Variants in SLC38A1 observed in about 807,000 individuals in gnomAD.
SLC38A1 encodes solute carrier family 38 member 1.
SLC38A1 carries 18 observed loss-of-function variants against 60.3 expected under a neutral mutation model. That is an observed-to-expected ratio of 0.30 (90% confidence interval 0.21 to 0.44). SLC38A1 has a LOEUF of 0.44. SLC38A1 is among the 20% of genes least tolerant of loss of function. The pLI, the probability that SLC38A1 is intolerant of heterozygous loss-of-function variation, is 1.00. For missense variants in SLC38A1, 448 were observed against 587.2 expected (o/e 0.76, Z 2.45); for synonymous variants, 196 against 212.1 (o/e 0.92, Z 0.66).
chr12:46,256,640 G>GAC (rs1565797410), intron 1 of SLC38A1, among the ~76,000 whole-genome samples: 4 of 140,730 alleles, frequency 2.8e-5, no homozygotes, highest in African/African-American at 1.2e-4. Flanking sequence ...CACACACAGA[G>GAC]AGAGAGAGAG....
intron 5 of SLC38A1, among the ~76,000 whole-genome samples, chr12:46,211,477 A>T (rs557676056): frequency 6.6e-6 from 1 of 152,356 alleles, no homozygotes; most frequent in South Asian, 2.1e-4. Flanking sequence ...AGCAAAAGAA[A>T]CATTCTAAGG....
chr12:46,194,269 C>G (rs1361819022), intron 16 of SLC38A1, among the ~76,000 whole-genome samples: 2 of 152,176 alleles, frequency 1.3e-5, no homozygotes, highest in East Asian at 3.8e-4. Context: ...GCCCCCACTC[C>G]CTTCTGGCTT....
intron 16 of SLC38A1, among the ~76,000 whole-genome samples, chr12:46,194,924 G>A (rs1365044739): frequency 6.6e-6 from 1 of 152,142 alleles, no homozygotes; most frequent in Non-Finnish European, 1.5e-5. Flanking sequence ...ACCTTCTGAA[G>A]CCTACTTCTG....
chr12:46,203,037 A>C lies in SLC38A1; in HGVS notation c.875T>G (p.Val292Gly). The C allele has an allele frequency of 6.2e-7, 1 of 1,614,044 alleles. No homozygotes were observed. The highest frequency in any genetic ancestry group is 8.5e-7 in the Non-Finnish European group (1 of 1,179,918). ...IAFAFVCHPS[V>G]LPIYSELKDR... ...TTTAAGCTCACTGTAAATTGGCAGG[A>C]CTGACGGGTGGCAAACAAATGCAAA... The change falls in exon 12 of 17, where the codon GTC (valine) becomes GGC (glycine). Residue 292 changes from valine (V) to glycine (G), a missense_variant. Physicochemically the swap from Val to Gly is moderately radical, Grantham distance 109. Transcript: ENST00000398637.
intron 5 of SLC38A1, among the ~76,000 whole-genome samples, chr12:46,223,936 G>A (rs1940763327): frequency 6.6e-6 from 1 of 152,212 alleles, no homozygotes; most frequent in Non-Finnish European, 1.5e-5. Flanking sequence ...ACTATGAGAT[G>A]TGTTCTAGAG....
At chr12:46,235,323 A>G (rs1430824605) in intron 3 of SLC38A1, among the ~76,000 whole-genome samples, 1 of 152,244 alleles carries the variant, frequency 6.6e-6, no homozygotes, top group Non-Finnish European at 1.5e-5. Context: ...TTCATAACAT[A>G]AAAGAGATGA....
At chr12:46,206,872 T>C (rs1939928473) in intron 8 of SLC38A1, among the ~76,000 whole-genome samples, 3 of 152,238 alleles carry the variant, frequency 2.0e-5, no homozygotes, top group Non-Finnish European at 4.4e-5. Context: ...ATATCTGTTC[T>C]ATTTCACAGA....
In SLC38A1 at chr12:46,207,579, G is replaced by T; in HGVS notation, c.431C>A (p.Thr144Asn). 1 of 1,613,918 alleles carries T rather than the reference G, an allele frequency of 6.2e-7. No individual in the cohort carries two copies. Among genetic ancestry groups the T allele is most frequent in the South Asian group, 1.1e-5 (1 of 91,076 alleles). Residue 144 changes from threonine (T) to asparagine (N), a missense_variant, in exon 7 of 17, where the codon ACC becomes AAC. Around this residue, in one of 2 missense-constraint regions of SLC38A1, gnomAD observed 346 missense variants for 497.5 expected, o/e 0.70. Coordinates refer to ENST00000398637, the MANE Select transcript of SLC38A1 (RefSeq NM_030674.4). ...TCCAAAGATTACGAACTTCCCTGTG[G>T]TGCCAAAGACTTGTTCCCCCAGCTT... ...YEKLGEQVFG[T>N]TGKFVIFGAT...
chr12:46,230,021 T>C (rs1941011836), intron 3 of SLC38A1, among the ~76,000 whole-genome samples: 1 of 152,222 alleles, frequency 6.6e-6, no homozygotes, highest in South Asian at 2.1e-4. Context: ...TTAAACACTA[T>C]ATGCAACATA....
At chr12:46,203,683 A>G (rs759090296) in intron 11 of SLC38A1, among the ~76,000 whole-genome samples, 8 of 152,248 alleles carry the variant, frequency 5.3e-5, no homozygotes, top group Non-Finnish European at 1.0e-4. Context: ...CTCACACTCA[A>G]TCTAACTTCC....
chr12:46,210,260 T>C (rs966763996), intron 5 of SLC38A1, among the ~76,000 whole-genome samples: 1 of 152,190 alleles, frequency 6.6e-6, no homozygotes, highest in Non-Finnish European at 1.5e-5. Flanking sequence ...AGTGTTTTGT[T>C]TCTCCTGCAT....
In SLC38A1 at chr12:46,249,071, G is replaced by A. The variant is rs576560471; in HGVS notation, c.-208-5757C>T. Among the ~76,000 whole-genome samples, 281 of 149,988 alleles carry A rather than the reference G, an allele frequency of 1.9e-3. 3 individuals carry two copies. Among genetic ancestry groups the A allele is most frequent in the African/African-American group, 6.1e-3 (248 of 40,560 alleles). ...CTTGGGAGGCTCAGGCAGGAGAATCGCTTGAACCTGGGAGGCAGAGTTTGC... is the reference window on the plus strand; with the variant it reads ...CTTGGGAGGCTCAGGCAGGAGAATCACTTGAACCTGGGAGGCAGAGTTTGC... On this transcript the variant is annotated intron_variant, in intron 1 of 16. Coordinates refer to ENST00000398637, the MANE Select transcript of SLC38A1 (RefSeq NM_030674.4).
chr12:46,264,642 G>A (rs117756486), intron 1 of SLC38A1, among the ~76,000 whole-genome samples: 2,021 of 151,642 alleles, frequency 0.013, 21 homozygotes, highest in Middle Eastern at 0.021. Flanking sequence ...TAGATTTTGG[G>A]GTATCAGTGA....
Position 46,229,134 on chromosome 12 carries a change from C to A in SLC38A1, c.314+19G>T. ...AAGTTCAGTTTTAAAATGGAAAGTACCGGCACGTCAATACTCACAGAAAAA... is the reference window on the plus strand; with the variant it reads ...AAGTTCAGTTTTAAAATGGAAAGTAACGGCACGTCAATACTCACAGAAAAA... On this transcript the variant is annotated intron_variant, in intron 5 of 16. Coordinates refer to ENST00000398637, the MANE Select transcript of SLC38A1 (RefSeq NM_030674.4). 1 of 1,445,646 alleles carries A rather than the reference C, an allele frequency of 6.9e-7. No homozygotes were observed. The highest frequency in any genetic ancestry group is 1.2e-5 in the South Asian group (1 of 85,058). The allele number at this position is 1,445,646 out of a possible 1,614,324, so 89.6% of individuals were successfully genotyped here.
chr12:46,206,251 T>C, intron 8 of SLC38A1, 89 bp from the exon 9 acceptor site: 4 of 664,452 alleles, frequency 6.0e-6, no homozygotes, highest in South Asian at 4.5e-5. Context: ...TCATGATATA[T>C]ATTTTTATTA....
rs189479303 is a variant in SLC38A1, at chr12:46,208,728, G to A, written c.388+326C>T. On this transcript the variant is annotated intron_variant, in intron 6 of 16. Coordinates refer to ENST00000398637, the MANE Select transcript of SLC38A1 (RefSeq NM_030674.4). ...CTTGGAAGTTATAATATAAAAACATGGGATCTTTGTTCTGGATTTATAAAG... is the reference window on the plus strand; with the variant it reads ...CTTGGAAGTTATAATATAAAAACATAGGATCTTTGTTCTGGATTTATAAAG... 2.6e-5 allele frequency among the ~76,000 whole-genome samples: 4 copies of A among 152,174 alleles called. No homozygotes were observed. The East Asian group carries it at 7.7e-4, about 29-fold the overall frequency.
At chr12:46,202,667 A>T (rs1939714031) in intron 12 of SLC38A1, among the ~76,000 whole-genome samples, 1 of 152,204 alleles carries the variant, frequency 6.6e-6, no homozygotes, top group African/African-American at 2.4e-5. Context: ...GAAGATTATC[A>T]CCCACTTGCA....
intron 5 of SLC38A1, among the ~76,000 whole-genome samples, chr12:46,218,480 C>A (rs1196891738): frequency 6.6e-6 from 1 of 152,130 alleles, no homozygotes; most frequent in African/African-American, 2.4e-5. Flanking sequence ...TAACAAGACA[C>A]ATTTAAGGAG....
At position 46,229,607 on chromosome 12, in the gene SLC38A1, C is replaced by A; in HGVS notation, c.155G>T (p.Ser52Ile). The A allele has an allele frequency of 6.2e-7, 1 of 1,613,548 alleles. No homozygotes were observed. The highest frequency in any genetic ancestry group is 8.5e-7 in the Non-Finnish European group (1 of 1,179,702). The change falls in exon 4 of 17, where the codon AGT becomes ATT. Residue 52 changes from serine (S) to isoleucine (I), a missense_variant. By Grantham distance (142) the Ser-to-Ile change is moderately radical. Coordinates refer to ENST00000398637, the MANE Select transcript of SLC38A1 (RefSeq NM_030674.4). Reference protein sequence around the residue: ...KFISDRESRRSLTNSHLEKKK... With the variant: ...KFISDRESRRILTNSHLEKKK... ...TTTTTCCAAATGGCTGTTTGTGAGA[C>A]TTCTTCTACTTTCACGATCAGAAAT...
Sources: allele counts gnomAD v4.1 joint callset (sites outside exome capture counted in the v4.1 genomes callset), GRCh38; gene constraint gnomAD v4.1.1; regional missense constraint gnomAD v4.1.1; transcripts MANE v1.5; gene names NCBI Gene and HGNC (gene_info 2026-07-23, HGNC 2026-07-21).